Variants in UBE2K observed in about 807,000 individuals in gnomAD.
UBE2K encodes the protein ubiquitin conjugating enzyme E2 K, also known as ubiquitin-conjugating enzyme E2 K.
In UBE2K, 6 loss-of-function variants were observed where a neutral mutation model predicts 30.0. The ratio of observed to expected loss-of-function variants is 0.20; its 90% CI spans 0.11 to 0.39. UBE2K has a LOEUF of 0.39. UBE2K is among the 10% of genes least tolerant of loss of function. UBE2K has a pLI of 1.00. For synonymous variants in UBE2K, 86 were observed against 83.7 expected, an observed-to-expected ratio of 1.03 and a Z score of -0.15; for missense variants, 61 against 241.6, an observed-to-expected ratio of 0.25 and a Z score of 4.96.
At chr4:39,766,088 G>A (rs1712314557) in intron 4 of UBE2K, among the ~76,000 whole-genome samples, 1 of 152,056 alleles carries the variant, frequency 6.6e-6, no homozygotes, top group Non-Finnish European at 1.5e-5. Context: ...TCCAGTTACT[G>A]CTTTCAGTTC....
chr4:39,756,053 G>A (rs1400258064), intron 4 of UBE2K, among the ~76,000 whole-genome samples: 3 of 152,214 alleles, frequency 2.0e-5, no homozygotes, highest in Admixed American at 1.3e-4. Context: ...AAAGTAGAAA[G>A]TAAGTATTGA....
chr4:39,716,990 T>TC (rs1719102280), intron 1 of UBE2K, among the ~76,000 whole-genome samples: 1 of 82,970 alleles, frequency 1.2e-5, no homozygotes, highest in Admixed American at 1.5e-4. Context: ...AGGGTGAGAC[T>TC]CCATCTCAAA....
chr4:39,711,724 G>A (rs1182360780), intron 1 of UBE2K, among the ~76,000 whole-genome samples: 2 of 151,836 alleles, frequency 1.3e-5, no homozygotes, highest in East Asian at 1.9e-4. Flanking sequence ...CCAGATGATT[G>A]AATCAATTTA....
At chr4:39,744,943 TAAATA>T (rs1221358390) in intron 2 of UBE2K, among the ~76,000 whole-genome samples, 2 of 150,100 alleles carry the variant, frequency 1.3e-5, no homozygotes, top group African/African-American at 4.9e-5. Flanking sequence ...AATAAATAAA[TAAATA>T]AATAAATGAA....
intron 1 of UBE2K, among the ~76,000 whole-genome samples, chr4:39,725,939 G>A (rs1719730947): frequency 7.0e-6 from 1 of 142,822 alleles, no homozygotes; most frequent in African/African-American, 3.0e-5. Context: ...CACCACACTT[G>A]GCCTTTTTTT....
At chr4:39,726,405 A>C (rs1468804696) in intron 1 of UBE2K, among the ~76,000 whole-genome samples, 2 of 151,944 alleles carry the variant, frequency 1.3e-5, no homozygotes, top group African/African-American at 2.4e-5. Flanking sequence ...TTTTTTGTAG[A>C]GACGGAGATC....
At chr4:39,727,091 A>G (rs1295003877) in intron 1 of UBE2K, among the ~76,000 whole-genome samples, 1 of 152,250 alleles carries the variant, frequency 6.6e-6, no homozygotes, top group African/African-American at 2.4e-5. Flanking sequence ...GTACATGCTC[A>G]GGTTTCCTTG....
chr4:39,739,033 CT>C (rs34727929), intron 2 of UBE2K, among the ~76,000 whole-genome samples: 114,998 of 146,990 alleles, frequency 0.78, 44,970 homozygotes, highest in East Asian at 0.92. Flanking sequence ...ACCCAAAACA[CT>C]TTTTTTTTTT....
chr4:39,721,374 ATT>A (rs1393720854), intron 1 of UBE2K, among the ~76,000 whole-genome samples: 1 of 151,492 alleles, frequency 6.6e-6, no homozygotes, highest in East Asian at 2.0e-4. Context: ...AGTTATAAGT[ATT>A]TGGGAGACCC....
intron 3 of UBE2K, among the ~76,000 whole-genome samples, chr4:39,755,086 G>A (rs1204983289): frequency 6.6e-6 from 1 of 152,096 alleles, no homozygotes. Flanking sequence ...GCTCTGTTTA[G>A]CTATTTAATT....
chr4:39,743,828 T>G (rs1301844117), intron 2 of UBE2K, among the ~76,000 whole-genome samples: 1 of 152,038 alleles, frequency 6.6e-6, no homozygotes, highest in Non-Finnish European at 1.5e-5. Flanking sequence ...TCATCCAGTG[T>G]AAGACTTACC....
chr4:39,720,869 G>A (rs533062387), intron 1 of UBE2K, among the ~76,000 whole-genome samples: 3 of 152,048 alleles, frequency 2.0e-5, no homozygotes, highest in Admixed American at 1.3e-4. Flanking sequence ...TCAGCCTTCC[G>A]AGTAGCTAGT....
At chr4:39,739,101 C>T (rs1175239159) in intron 2 of UBE2K, among the ~76,000 whole-genome samples, 1 of 151,798 alleles carries the variant, frequency 6.6e-6, no homozygotes, top group Non-Finnish European at 1.5e-5. Context: ...GATCTCGGCT[C>T]ACTGCAAGCT....
chr4:39,726,409 G>A (rs757542309), intron 1 of UBE2K, among the ~76,000 whole-genome samples: 4 of 151,836 alleles, frequency 2.6e-5, no homozygotes, highest in South Asian at 2.1e-4. Context: ...TTGTAGAGAC[G>A]GAGATCTCAC....
intron 3 of UBE2K, among the ~76,000 whole-genome samples, chr4:39,752,088 A>G (rs1164761205): frequency 2.6e-5 from 4 of 152,216 alleles, no homozygotes; most frequent in Non-Finnish European, 5.9e-5. Flanking sequence ...TATATTTTCT[A>G]ATCTTGTTGA....
intron 4 of UBE2K, among the ~76,000 whole-genome samples, chr4:39,772,289 GT>G (rs1712939966): frequency 6.6e-6 from 1 of 151,612 alleles, no homozygotes; most frequent in Non-Finnish European, 1.5e-5. Flanking sequence ...GCTAGTTGTC[GT>G]GGCTCACACC....
chr4:39,774,909 A>G lies in UBE2K; in HGVS notation c.375A>G (p.Pro125=), dbSNP rs910768476. 4 of 1,606,488 alleles carry G rather than the reference A, an allele frequency of 2.5e-6. No homozygotes were observed. The highest frequency in any genetic ancestry group is 3.4e-6 in the Non-Finnish European group (4 of 1,174,564). ...ALLAAAEPDD[P]QDAVVANQYK... is the part of the protein sequence containing the mutation. ...TGGCAGCTGCAGAGCCAGATGATCC[A>G]CAGGATGCTGTAGTAGCAAATCAGG... The change falls in exon 5 of 7, where the codon CCA becomes CCG. Residue 125 remains proline, a synonymous_variant. Transcript: ENST00000261427.
intron 1 of UBE2K, among the ~76,000 whole-genome samples, chr4:39,727,636 A>G (rs959575521): frequency 5.3e-5 from 8 of 151,840 alleles, no homozygotes; most frequent in Non-Finnish European, 1.2e-4. Context: ...CTGGGTTCAA[A>G]TGATCAGCCC....
At position 39,769,151 on chromosome 4, in the gene UBE2K, A is replaced by C. The variant is rs527329186; in HGVS notation, c.300-5683A>C. On this transcript the variant is annotated intron_variant, in intron 4 of 6. Coordinates refer to ENST00000261427, the MANE Select transcript of UBE2K (RefSeq NM_005339.5). ...CCACCCTAATTAACAGTATTTGTCA[A>C]ATTTTAATGTGCATCAGAATCACCT... 2.4e-3 allele frequency among the ~76,000 whole-genome samples: 369 copies of C among 151,794 alleles called. 2 individuals are homozygous for C. Among genetic ancestry groups the C allele is most frequent in the African/African-American group, 8.5e-3 (351 of 41,374 alleles).
Sources: allele counts gnomAD v4.1 joint callset (sites outside exome capture counted in the v4.1 genomes callset), GRCh38; gene constraint gnomAD v4.1.1; transcripts MANE v1.5; gene names NCBI Gene and HGNC (gene_info 2026-07-23, HGNC 2026-07-21).